The following GREB1L variants were observed in gnomAD, a reference collection of about 807,000 sequenced individuals.
The protein encoded by GREB1L is GREB1-like protein.
A neutral mutation model predicts 200.8 loss-of-function variants in GREB1L; 17 were observed. The observed-to-expected ratio is 0.08, with a 90% CI of 0.06 to 0.13. The LOEUF is 0.13. Among genes scored for constraint, GREB1L ranks in the 10% least tolerant of loss-of-function variants. GREB1L has a pLI of 1.00. For missense variants in GREB1L, 1,657 were observed against 2,367.7 expected (o/e 0.70, Z 6.23); for synonymous variants, 789 against 893.0 (o/e 0.88, Z 2.08).
chr18:21,458,767 G>C (rs926053397), intron 15 of GREB1L, among the ~76,000 whole-genome samples: 1 of 152,202 alleles, frequency 6.6e-6, no homozygotes, highest in Non-Finnish European at 1.5e-5. Flanking sequence ...GCGTAACGTA[G>C]ACTTGTAACT....
At chr18:21,507,903 A>G (rs2037079905) in intron 25 of GREB1L, among the ~76,000 whole-genome samples, 1 of 152,206 alleles carries the variant, frequency 6.6e-6, no homozygotes, top group South Asian at 2.1e-4. Context: ...GAGGCTATGC[A>G]GGTGCAAGAC....
chr18:21,436,669 GGT>G (rs71178172), intron 7 of GREB1L, among the ~76,000 whole-genome samples: 42,686 of 132,228 alleles, frequency 0.32, 7,119 homozygotes, highest in Non-Finnish European at 0.41. Flanking sequence ...AAAGTTCAGT[GGT>G]GTGTGTGTGT....
chr18:21,388,442 G>A (rs1316719361), intron 4 of GREB1L, among the ~76,000 whole-genome samples: 1 of 149,872 alleles, frequency 6.7e-6, no homozygotes, highest in Non-Finnish European at 1.5e-5. Flanking sequence ...GTTTATTTGA[G>A]TTCCTTGGTT....
chr18:21,461,125 C>A (rs2035029734), intron 15 of GREB1L, among the ~76,000 whole-genome samples: 2 of 150,992 alleles, frequency 1.3e-5, no homozygotes, highest in South Asian at 2.1e-4. Context: ...AGAAAAAAAA[C>A]CAACAACTTC....
intron 15 of GREB1L, among the ~76,000 whole-genome samples, chr18:21,467,918 A>G (rs1306878344): frequency 1.3e-5 from 2 of 151,750 alleles, no homozygotes; most frequent in Non-Finnish European, 2.9e-5. Flanking sequence ...CCAGCTACTC[A>G]GGAGGCTGAG....
At chr18:21,443,867 G>A (rs1390138366) in intron 10 of GREB1L, among the ~76,000 whole-genome samples, 2 of 152,136 alleles carry the variant, frequency 1.3e-5, no homozygotes, top group East Asian at 1.9e-4. Flanking sequence ...TACACATCAC[G>A]TCATTCACAT....
At chr18:21,354,012 C>T (rs2039470963) in intron 1 of GREB1L, among the ~76,000 whole-genome samples, 1 of 152,130 alleles carries the variant, frequency 6.6e-6, no homozygotes, top group African/African-American at 2.4e-5. Context: ...TGGTCTTGAA[C>T]TCCTGACCTC....
At chr18:21,261,968 A>G (rs2037896952) in intron 1 of GREB1L, among the ~76,000 whole-genome samples, 4 of 152,142 alleles carry the variant, frequency 2.6e-5, no homozygotes, top group Admixed American at 2.0e-4. Flanking sequence ...ATTCTTTAAT[A>G]TACATGTTTC....
chr18:21,453,436 C>A (rs891263982), intron 14 of GREB1L, among the ~76,000 whole-genome samples: 2 of 152,132 alleles, frequency 1.3e-5, no homozygotes, highest in African/African-American at 2.4e-5. Flanking sequence ...TTAATTAGGC[C>A]CTGTTGCAGT....
intron 1 of GREB1L, among the ~76,000 whole-genome samples, chr18:21,328,655 C>T (rs999087211): frequency 1.3e-5 from 2 of 151,996 alleles, no homozygotes; most frequent in South Asian, 2.1e-4. Context: ...GCATCTGATA[C>T]GTGCATGTGT....
intron 1 of GREB1L, among the ~76,000 whole-genome samples, chr18:21,342,646 T>C (rs1438281405): frequency 1.3e-5 from 2 of 152,170 alleles, no homozygotes; most frequent in African/African-American, 4.8e-5. Context: ...TTTGTTCTCC[T>C]AGGCTCTGCA....
intron 7 of GREB1L, among the ~76,000 whole-genome samples, chr18:21,429,676 T>C (rs772109116): frequency 2.6e-5 from 4 of 152,140 alleles, no homozygotes; most frequent in Non-Finnish European, 5.9e-5. Context: ...AATTGTGGGA[T>C]TTATTTTTGG....
intron 23 of GREB1L, among the ~76,000 whole-genome samples, chr18:21,504,024 C>T (rs1529797): frequency 0.63 from 95,972 of 151,976 alleles, 35,537 homozygotes; most frequent in Non-Finnish European, 0.84. Context: ...TCACTGCAAC[C>T]TCCGTCTCAG....
intron 1 of GREB1L, among the ~76,000 whole-genome samples, chr18:21,348,730 G>C (rs1054450885): frequency 3.9e-5 from 6 of 151,932 alleles, no homozygotes; most frequent in Admixed American, 3.9e-4. Context: ...AGCTGAGATC[G>C]CACCATTGCA....
At chr18:21,306,703 G>C (rs2038707109) in intron 1 of GREB1L, among the ~76,000 whole-genome samples, 1 of 152,166 alleles carries the variant, frequency 6.6e-6, no homozygotes, top group Non-Finnish European at 1.5e-5. Flanking sequence ...CAAAGCTTCT[G>C]AATATATAAT....
At chr18:21,462,354 A>G (rs2035079493) in intron 15 of GREB1L, among the ~76,000 whole-genome samples, 1 of 152,270 alleles carries the variant, frequency 6.6e-6, no homozygotes, top group Non-Finnish European at 1.5e-5. Context: ...TGACATTTTC[A>G]GATTCCTTGC....
chr18:21,404,698 G>A (rs1445060906), intron 7 of GREB1L, among the ~76,000 whole-genome samples: 2 of 152,216 alleles, frequency 1.3e-5, no homozygotes, highest in Non-Finnish European at 2.9e-5. Context: ...GGGCTGGAGG[G>A]CTTTGCCTGA....
intron 2 of GREB1L, among the ~76,000 whole-genome samples, chr18:21,373,065 A>T (rs1468048056): frequency 6.6e-6 from 1 of 152,038 alleles, no homozygotes; most frequent in African/African-American, 2.4e-5. Flanking sequence ...TAGAGGGATG[A>T]CTAAATTCAT....
At chr18:21,405,026 C>A (rs1192910482) in intron 7 of GREB1L, among the ~76,000 whole-genome samples, 1 of 152,192 alleles carries the variant, frequency 6.6e-6, no homozygotes, top group East Asian at 1.9e-4. Context: ...ATGTTAGCAG[C>A]AGCAGCAGCA....
Sources: allele counts gnomAD v4.1 joint callset (sites outside exome capture counted in the v4.1 genomes callset), GRCh38; gene constraint gnomAD v4.1.1; transcripts MANE v1.5; gene names NCBI Gene and HGNC (gene_info 2026-07-23, HGNC 2026-07-21).